Variants in TRMT44 observed in about 807,000 individuals in gnomAD.
The protein encoded by TRMT44 is probable tRNA (uracil-O(2)-)-methyltransferase.
In TRMT44, 78 loss-of-function variants were observed where a neutral mutation model predicts 77.3. The observed-to-expected ratio is 1.01, with a 90% CI of 0.84 to 1.22. The LOEUF is 1.22. Among genes scored for constraint, TRMT44 ranks in the 50% most tolerant of loss-of-function variants. The pLI is 0.00. For synonymous variants in TRMT44, 391 were observed against 383.3 expected (o/e 1.02, Z -0.23); for missense variants, 1,090 against 964.4 (o/e 1.13, Z -1.73).
chr4:8,475,677 G>A (rs1180249288), intron 10 of TRMT44, 95 bp from the exon 11 acceptor site: 9 of 1,146,090 alleles, frequency 7.9e-6, no homozygotes, highest in Non-Finnish European at 1.1e-5. Context: ...ACCCTGGATT[G>A]GCACCTCCCG....
At chr4:8,480,677 A>C (rs1579094660), downstream of TRMT44, among the ~76,000 whole-genome samples, 1 of 152,174 alleles carries the variant, frequency 6.6e-6, no homozygotes, top group South Asian at 2.1e-4. Flanking sequence ...TCATTTTTAG[A>C]CAGCCAGTGT....
intron 3 of TRMT44, among the ~76,000 whole-genome samples, chr4:8,450,985 C>T (rs1725413367): frequency 1.3e-5 from 2 of 152,026 alleles, no homozygotes; most frequent in South Asian, 4.2e-4. Flanking sequence ...AAAGTTTTGC[C>T]ATGTTTCCCA....
At chr4:8,485,306 C>A (rs1233024080) in intron 2 of TRMT44, among the ~76,000 whole-genome samples, 1 of 152,008 alleles carries the variant, frequency 6.6e-6, no homozygotes, top group African/African-American at 2.4e-5. Flanking sequence ...GTATTGAGGA[C>A]AAAAGAATGT....
intron 6 of TRMT44, among the ~76,000 whole-genome samples, chr4:8,458,459 C>CTTTTTTTTTTTTT (rs1156752172): frequency 2.8e-5 from 4 of 142,730 alleles, no homozygotes; most frequent in South Asian, 2.2e-4. Flanking sequence ...ATTTTCTTTT[C>CTTTTTTTTTTTTT]TTTTCTTTTT....
chr4:8,463,249 C>A lies in TRMT44; in HGVS notation c.1204-736C>A, dbSNP rs371155361. 4.6e-5 allele frequency among the ~76,000 whole-genome samples: 7 copies of A among 152,234 alleles called. No individual in the cohort carries two copies. The East Asian group carries it at 5.8e-4, about 13-fold the overall frequency. On this transcript the variant is annotated intron_variant, in intron 6 of 10. Coordinates refer to ENST00000389737, the MANE Select transcript of TRMT44 (RefSeq NM_152544.3). ...TGGTCTCTCTTCCCCCTCTCTCTTT[C>A]CAGTTTTTACTGACAGAATTGCTAT...
intron 2 of TRMT44, among the ~76,000 whole-genome samples, chr4:8,492,834 G>A (rs1483318292): frequency 6.6e-6 from 1 of 152,108 alleles, no homozygotes; most frequent in East Asian, 1.9e-4. Context: ...TCCCTGCTTC[G>A]AGTTGTCCCA....
At chr4:8,500,392 T>C in the TRMT44 span, among the ~76,000 whole-genome samples, 6 of 148,784 alleles carry the variant, frequency 4.0e-5, no homozygotes, top group African/African-American at 1.5e-4. Flanking sequence ...CTCAGGAGGC[T>C]GAGGCATAAG....
chr4:8,489,930 C>A (rs1256727386), intron 2 of TRMT44, among the ~76,000 whole-genome samples: 1 of 152,210 alleles, frequency 6.6e-6, no homozygotes, highest in African/African-American at 2.4e-5. Context: ...TAAAGACATG[C>A]AACTTCCCCA....
intron 2 of TRMT44, among the ~76,000 whole-genome samples, chr4:8,481,867 G>A (rs1274062711): frequency 6.6e-6 from 1 of 152,072 alleles, no homozygotes; most frequent in South Asian, 2.1e-4. Context: ...CATCCTGAAA[G>A]CCCTGTCTGA....
In TRMT44 at chr4:8,468,143, A is replaced by G. The variant is rs1046556434; in HGVS notation, c.1724A>G (p.His575Arg). 7 of 1,614,036 alleles carry G rather than the reference A, an allele frequency of 4.3e-6. No homozygotes were observed. The highest frequency in any genetic ancestry group is 4.0e-5 in the African/African-American group (3 of 75,066). ...GTAACCAGGGCCTGGGCCGCTGAGC[A>G]TGGAGCAGGGCCCCAGGCTGAAGGA... ...GCVTRAWAAE[H>R]GAGPQAEGPW... The change falls in exon 9 of 11, where the codon CAT becomes CGT. Residue 575 changes from histidine to arginine, a missense_variant. By Grantham distance (29) the His-to-Arg change is conservative (BLOSUM62 0). Transcript: ENST00000389737.
In TRMT44 at chr4:8,444,188, A is replaced by C. The variant is rs1016180929; in HGVS notation, c.620-2288A>C. 1.3e-5 allele frequency among the ~76,000 whole-genome samples: 2 copies of C among 152,064 alleles called. No individual in the cohort carries two copies. The highest frequency in any genetic ancestry group is 2.9e-5 in the Non-Finnish European group (2 of 68,028). On this transcript the variant is annotated intron_variant, in intron 1 of 10. Transcript: ENST00000389737. This position sits in a 1 kb window ranked among gnomAD's most constrained non-coding sequence, Gnocchi z 4.0. Reference sequence around the variant, plus strand: ...CTCAGAAGTTTGTCATTCAAACATCACATGTTCTCACTTATTTATGGGGTT... The same window carrying C: ...CTCAGAAGTTTGTCATTCAAACATCCCATGTTCTCACTTATTTATGGGGTT...
intron 3 of TRMT44, among the ~76,000 whole-genome samples, chr4:8,450,388 A>G (rs919249646): frequency 2.0e-5 from 3 of 152,180 alleles, no homozygotes; most frequent in Non-Finnish European, 4.4e-5. Flanking sequence ...CTTGTATATT[A>G]TTTGTTTTCA....
At chr4:8,474,838 C>T (rs944810463) in intron 10 of TRMT44, among the ~76,000 whole-genome samples, 16 of 152,190 alleles carry the variant, frequency 1.1e-4, no homozygotes, top group Middle Eastern at 3.4e-3. Context: ...CCAATTTGGG[C>T]GGCGGGGTCA....
chr4:8,485,013 T>C (rs1727759329), intron 2 of TRMT44, among the ~76,000 whole-genome samples: 2 of 152,188 alleles, frequency 1.3e-5, no homozygotes, highest in South Asian at 4.1e-4. Context: ...TGTGTCTTGT[T>C]GAGAAGATTC....
intron 10 of TRMT44, among the ~76,000 whole-genome samples, chr4:8,471,665 G>A (rs1268598236): frequency 6.6e-6 from 1 of 152,218 alleles, no homozygotes; most frequent in Admixed American, 6.5e-5. Context: ...TGTGGCCCTC[G>A]CCCCACGGGC....
intron 9 of TRMT44, among the ~76,000 whole-genome samples, chr4:8,468,722 G>A (rs1021142860): frequency 6.6e-6 from 1 of 152,244 alleles, no homozygotes; most frequent in Non-Finnish European, 1.5e-5. Flanking sequence ...TGGAGCTGTT[G>A]TGATTCGATA....
chr4:8,502,786 C>T, the TRMT44 span, among the ~76,000 whole-genome samples: 9 of 152,154 alleles, frequency 5.9e-5, no homozygotes, highest in East Asian at 3.9e-4. Flanking sequence ...ATTGGTGAGA[C>T]GCAGGTCCCA....
chr4:8,460,855 TTTTA>T (rs1340039219), intron 6 of TRMT44, among the ~76,000 whole-genome samples: 1 of 152,006 alleles, frequency 6.6e-6, no homozygotes, highest in African/African-American at 2.4e-5. Flanking sequence ...GCAGCCCCCC[TTTTA>T]TTTTTTTGGA....
At chr4:8,455,674 C>A (rs564290741) in intron 6 of TRMT44, among the ~76,000 whole-genome samples, 131 of 152,324 alleles carry the variant, frequency 8.6e-4, no homozygotes, top group Middle Eastern at 3.4e-3. Flanking sequence ...TGCTTCTGCT[C>A]ATTTAACATC....
Sources: allele counts gnomAD v4.1 joint callset (sites outside exome capture counted in the v4.1 genomes callset), GRCh38; gene constraint gnomAD v4.1.1; non-coding constraint Gnocchi (gnomAD v3.1); transcripts MANE v1.5; gene names NCBI Gene and HGNC (gene_info 2026-07-23, HGNC 2026-07-21).